Variants in ATP1B4 observed in about 807,000 individuals in gnomAD.
ATP1B4 encodes the protein protein ATP1B4.
Under a neutral mutation model 29.6 loss-of-function variants are expected in ATP1B4, and 32 were observed. The observed-to-expected ratio is 1.08, with a 90% CI of 0.82 to 1.45. The LOEUF is 1.45. ATP1B4 is among the 40% of genes most tolerant of loss of function. The pLI, the probability that ATP1B4 is intolerant of heterozygous loss-of-function variation, is 0.00. For synonymous variants in ATP1B4, 127 were observed against 102.1 expected, an observed-to-expected ratio of 1.24 and a Z score of -1.47; for missense variants, 323 against 276.2, an observed-to-expected ratio of 1.17 and a Z score of -1.20.
At position 120,362,127 on chromosome X, in the gene ATP1B4, C is replaced by G. The variant is rs370501349; in HGVS notation, c.-42C>G. ...CCAGCAGAAGCTCCAGAACTCTCACCCGATTGCCTGCCTCTGCTGCGTCTT... is the reference window on the plus strand; with the variant it reads ...CCAGCAGAAGCTCCAGAACTCTCACGCGATTGCCTGCCTCTGCTGCGTCTT... On this transcript the variant is annotated 5_prime_UTR_variant, in exon 1 of 8. Transcript: ENST00000218008. The G allele has an allele frequency of 1.3e-5, 15 of 1,163,868 alleles. No individual in the cohort carries two copies. The South Asian group carries it at 2.7e-4, about 21-fold the overall frequency.
rs1458194808 is a variant in ATP1B4 at position 120,379,819 on chromosome X, G to T, written c.*185G>T. 7 of 403,031 alleles carry T rather than the reference G, an allele frequency of 1.7e-5. No homozygotes were observed. The highest frequency in any genetic ancestry group is 2.8e-5 in the Non-Finnish European group (7 of 246,613). The allele number at this position is 403,031 out of a possible 1,213,427, so 33.2% of individuals were successfully genotyped here. On this transcript the variant is annotated 3_prime_UTR_variant, in exon 8 of 8. Transcript: ENST00000218008. ...TGTGGGAGCTGTTCGATTTTTTAAA[G>T]GTAGTGTCTCCTGATGACAAACAGA...
Position 120,379,504 on chromosome X carries a change from A to G in ATP1B4, c.944A>G (p.His315Arg). The change falls in exon 8 of 8, where the codon CAC becomes CGC. Residue 315 changes from histidine (H) to arginine (R), a missense_variant. Transcript: ENST00000218008. ...TACACATCCCCCTTGGTGGCAATGC[A>G]CTTTACAGACGTGGTGAAGAACCAA... The part of the protein sequence containing the change: ...VNYTSPLVAM[H>R]FTDVVKNQAV... The G allele has an allele frequency of 8.3e-7, 1 of 1,209,334 alleles. No individual in the cohort carries two copies. Among genetic ancestry groups the G allele is most frequent in the Non-Finnish European group, 1.1e-6 (1 of 894,597 alleles).
At chrX:120,378,890 G>A (rs2058369320) in intron 7 of ATP1B4, 117 bp downstream of exon 7, 1 of 598,170 alleles carries the variant, frequency 1.7e-6, no homozygotes, top group East Asian at 3.4e-5. Flanking sequence ...AATAGCTGCT[G>A]GCCATAACCA....
At chrX:120,369,914 T>C (rs2058304762) in intron 2 of ATP1B4, among the ~76,000 whole-genome samples, 1 of 111,690 alleles carries the variant, frequency 9.0e-6, no homozygotes, top group South Asian at 3.7e-4. Context: ...ATTAATCAGC[T>C]TGGAAGTGGT....
At chrX:120,364,101 G>A (rs1310555010) in intron 1 of ATP1B4, among the ~76,000 whole-genome samples, 1 of 110,843 alleles carries the variant, frequency 9.0e-6, no homozygotes, top group Non-Finnish European at 1.9e-5. Flanking sequence ...GGAGGGTAAA[G>A]CTTTAATGAC....
Position 120,379,603 on chromosome X carries a change from G to A in ATP1B4, c.1043G>A (p.Arg348Lys). The A allele has an allele frequency of 8.3e-7, 1 of 1,209,988 alleles. No homozygotes were observed. Residue 348 changes from arginine (R) to lysine (K), a missense_variant, in exon 8 of 8, where the codon AGG (arginine) becomes AAG (lysine). Arg to Lys is a conservative substitution (Grantham distance 26, BLOSUM62 2). Transcript: ENST00000218008. ...NDVINDRFVGRVIFTLNIET is the reference protein window; with the variant it reads ...NDVINDRFVGKVIFTLNIET ...GTCATCAATGATCGTTTTGTGGGCAGGGTAATCTTTACCCTGAACATAGAA... is the reference window on the plus strand; with the variant it reads ...GTCATCAATGATCGTTTTGTGGGCAAGGTAATCTTTACCCTGAACATAGAA...
intron 1 of ATP1B4, among the ~76,000 whole-genome samples, chrX:120,365,084 A>G (rs937498071): frequency 9.0e-6 from 1 of 111,611 alleles, no homozygotes; most frequent in African/African-American, 3.3e-5. Flanking sequence ...CTTGTGCTCA[A>G]TGTGATAGAG....
rs753158669 is a variant in ATP1B4 at position 120,362,185 on chromosome X, G to T, written c.17G>T (p.Arg6Leu). 3 of 1,211,084 alleles carry T rather than the reference G, an allele frequency of 2.5e-6. No individual in the cohort carries two copies. The highest frequency in any genetic ancestry group is 2.3e-4 in the Middle Eastern group (1 of 4,288). The change falls in exon 1 of 8, where the codon CGG becomes CTG. Residue 6 changes from arginine (R) to leucine (L), a missense_variant. Physicochemically the swap from Arg to Leu is moderately radical, Grantham distance 102 (BLOSUM62 -2). Transcript: ENST00000218008. Reference sequence around the variant, plus strand: ...TGAACAGCCATGAGAAGGCAACTCCGGTCCAGAAGGGCTCCATCCTTTCCT... The same window carrying T: ...TGAACAGCCATGAGAAGGCAACTCCTGTCCAGAAGGGCTCCATCCTTTCCT... The part of the protein sequence containing the change: MRRQL[R>L]SRRAPSFPYS...
chrX:120,379,399 C>A (rs2058371672), intron 7 of ATP1B4, 74 bp from the exon 8 acceptor site: 1 of 993,574 alleles, frequency 1.0e-6, no homozygotes, highest in South Asian at 2.3e-5. Flanking sequence ...GGGTTGTCAT[C>A]CTGCAGTGAT....
rs775193946 is a variant in ATP1B4 at position 120,380,542 on chromosome X, T to C, written c.*908T>C. 8.9e-6 allele frequency: 1 copy of C among 112,172 alleles called. No homozygotes were observed. Among genetic ancestry groups the C allele is most frequent in the African/African-American group, 3.2e-5 (1 of 30,873 alleles). The allele number at this position is 112,172 out of a possible 1,213,427, so 9.2% of individuals were successfully genotyped here. A position where few individuals can be genotyped will look rare whatever the true frequency, so the allele number is the denominator to read the frequency against. ...TTTGATTCCTTGCTCTCTGGTGTAA[T>C]CGTCTAAAGGCAAACATTCCTGCAA... is the stretch of plus-strand genomic sequence containing the variant. On this transcript the variant is annotated 3_prime_UTR_variant, in exon 8 of 8. Transcript: ENST00000218008.
intron 4 of ATP1B4, among the ~76,000 whole-genome samples, chrX:120,372,739 C>T (rs2058320143): frequency 8.9e-6 from 1 of 112,454 alleles, no homozygotes; most frequent in Non-Finnish European, 1.9e-5. Flanking sequence ...TTCTACGCTG[C>T]TGTCACATGA....
chrX:120,373,765 A>G (rs1000411030), intron 4 of ATP1B4, among the ~76,000 whole-genome samples: 17 of 111,830 alleles, frequency 1.5e-4, no homozygotes, highest in African/African-American at 5.2e-4. Flanking sequence ...CTCAGTTGAC[A>G]AGATCTCATG....
Position 120,370,808 on chromosome X carries a change from A to G in ATP1B4, c.422A>G (p.Tyr141Cys). The stretch of plus-strand genomic sequence containing the variant: ...ACACTATTTCTGACCATCAGTCCCT[A>G]TATACCAACCTTCACGGAGCGGGTA... ...MYTLFLTISP[Y>C]IPTFTERVKP... The change falls in exon 3 of 8, where the codon TAT becomes TGT. Residue 141 changes from tyrosine to cysteine, a missense_variant. Transcript: ENST00000218008. The G allele has an allele frequency of 8.3e-7, 1 of 1,211,250 alleles. No homozygotes were observed. Among genetic ancestry groups the G allele is most frequent in the Non-Finnish European group, 1.1e-6 (1 of 895,330 alleles).
At chrX:120,364,778 A>G (rs2058277180) in intron 1 of ATP1B4, among the ~76,000 whole-genome samples, 1 of 112,205 alleles carries the variant, frequency 8.9e-6, no homozygotes, top group South Asian at 3.7e-4. Context: ...GTACAGTGGC[A>G]TGATCACAGC....
chrX:120,377,813 G>A (rs1162048863), intron 6 of ATP1B4, among the ~76,000 whole-genome samples: 1 of 112,069 alleles, frequency 8.9e-6, no homozygotes, highest in Non-Finnish European at 1.9e-5. Flanking sequence ...CAAGCAGGAT[G>A]AGGTAATGAC....
chrX:120,377,942 GC>G (rs2058364316), intron 6 of ATP1B4, among the ~76,000 whole-genome samples: 1 of 111,831 alleles, frequency 8.9e-6, no homozygotes, highest in Admixed American at 9.5e-5. Context: ...GTCCTTACTA[GC>G]CCCCAGACCT....
chrX:120,375,748 C>G (rs1350922498), intron 5 of ATP1B4, among the ~76,000 whole-genome samples, 180 bp downstream of exon 5: 2 of 109,358 alleles, frequency 1.8e-5, no homozygotes, highest in African/African-American at 6.7e-5. Context: ...GCCCACCGAG[C>G]ACTTCCTATG....
At position 120,374,707 on chromosome X, in the gene ATP1B4, T is replaced by C. The variant is rs186844405; in HGVS notation, c.563-665T>C. 4.0e-3 allele frequency among the ~76,000 whole-genome samples: 124 copies of C among 31,123 alleles called. 13 individuals carry two copies. Among genetic ancestry groups the C allele is most frequent in the African/African-American group, 6.3e-3 (83 of 13,131 alleles). 27.0% of individuals were successfully genotyped at this position (31,123 alleles called of 115,157 possible). A position where few individuals can be genotyped will look rare whatever the true frequency, so the allele number is the denominator to read the frequency against. On this transcript the variant is annotated intron_variant, in intron 4 of 7. Transcript: ENST00000218008. ...TACCCTTATATATAATATATATATA[T>C]ACCCTTATATATAATATATATATTA...
At chrX:120,362,402 C>T (rs771891242) in intron 1 of ATP1B4, among the ~76,000 whole-genome samples, 171 bp downstream of exon 1, 6 of 110,952 alleles carry the variant, frequency 5.4e-5, no homozygotes, top group Non-Finnish European at 9.4e-5. Context: ...TCCCAGCACC[C>T]CCGGGCACCC....
Sources: allele counts gnomAD v4.1 joint callset (sites outside exome capture counted in the v4.1 genomes callset), GRCh38; gene constraint gnomAD v4.1.1; transcripts MANE v1.5; gene names NCBI Gene and HGNC (gene_info 2026-07-23, HGNC 2026-07-21).